Variants in KSR2 observed in about 807,000 individuals in gnomAD.
The protein encoded by KSR2 is kinase suppressor of ras 2.
Under a neutral mutation model 107.8 loss-of-function variants are expected in KSR2, and 25 were observed. The observed-to-expected ratio is 0.23, with a 90% CI of 0.17 to 0.32. The LOEUF (loss-of-function observed/expected upper bound fraction) is 0.32, where lower values mean the gene tolerates loss of function less well. KSR2 is among the 10% of genes least tolerant of loss of function. The pLI is 1.00. For missense variants in KSR2, 887 were observed against 1,268.9 expected, an observed-to-expected ratio of 0.70 and a Z score of 4.57; for synonymous variants, 480 against 507.0, an observed-to-expected ratio of 0.95 and a Z score of 0.71.
intron 3 of KSR2, among the ~76,000 whole-genome samples, chr12:117,762,082 C>T (rs1889056947): frequency 6.6e-6 from 1 of 152,208 alleles, no homozygotes; most frequent in Non-Finnish European, 1.5e-5. Context: ...ATTCAACAGC[C>T]TTGCCTTCCA....
At chr12:117,708,209 AT>A (rs1886606243) in intron 4 of KSR2, among the ~76,000 whole-genome samples, 1 of 152,220 alleles carries the variant, frequency 6.6e-6, no homozygotes, top group African/African-American at 2.4e-5. Context: ...AACCATTGTG[AT>A]TCTGCTTTTG....
chr12:117,712,937 C>G (rs1886841859), intron 4 of KSR2, among the ~76,000 whole-genome samples: 1 of 151,604 alleles, frequency 6.6e-6, no homozygotes, highest in East Asian at 1.9e-4. Flanking sequence ...ACAGATATAT[C>G]TCATCCTTTT....
At chr12:117,569,396 T>C (rs1320105143) in intron 7 of KSR2, among the ~76,000 whole-genome samples, 1 of 152,136 alleles carries the variant, frequency 6.6e-6, no homozygotes, top group African/African-American at 2.4e-5. Context: ...AAGAAGTAGG[T>C]ACAAGCATGT....
intron 3 of KSR2, among the ~76,000 whole-genome samples, chr12:117,831,681 TA>T (rs1891975490): frequency 6.6e-6 from 1 of 152,228 alleles, no homozygotes; most frequent in South Asian, 2.1e-4. Flanking sequence ...TTGGACTTTG[TA>T]TATTTGATTT....
At chr12:117,470,876 T>C (rs1871409403) in intron 18 of KSR2, among the ~76,000 whole-genome samples, 1 of 152,240 alleles carries the variant, frequency 6.6e-6, no homozygotes, top group Non-Finnish European at 1.5e-5. Flanking sequence ...ATATTTGTGA[T>C]GTTTTAATTC....
At chr12:117,636,258 A>G (rs1023271297) in intron 5 of KSR2, among the ~76,000 whole-genome samples, 5 of 152,190 alleles carry the variant, frequency 3.3e-5, no homozygotes, top group African/African-American at 1.2e-4. Context: ...AAATATCCGT[A>G]TATCAATGAA....
intron 5 of KSR2, among the ~76,000 whole-genome samples, chr12:117,633,362 C>T (rs1565936215): frequency 1.3e-5 from 2 of 152,214 alleles, no homozygotes; most frequent in South Asian, 4.1e-4. Flanking sequence ...TTCTTCTCAG[C>T]AGAGCCACCA....
intron 9 of KSR2, among the ~76,000 whole-genome samples, chr12:117,546,036 T>C (rs569200980): frequency 6.6e-6 from 1 of 152,222 alleles, no homozygotes; most frequent in Non-Finnish European, 1.5e-5. Flanking sequence ...AGAAGGTATA[T>C]GTACTATTGT....
chr12:117,555,354 G>A, intron 8 of KSR2, 61 bp from the exon 9 acceptor site: 17 of 1,574,906 alleles, frequency 1.1e-5, no homozygotes, highest in Non-Finnish European at 1.5e-5. Context: ...GGTTATGCCA[G>A]GACGGCATAG....
intron 1 of KSR2, among the ~76,000 whole-genome samples, chr12:117,957,771 A>ACACG (rs1443295070): frequency 1.3e-5 from 2 of 148,684 alleles, no homozygotes; most frequent in Non-Finnish European, 3.0e-5. Flanking sequence ...ACACACACAC[A>ACACG]CGCACACCTT....
intron 1 of KSR2, among the ~76,000 whole-genome samples, chr12:117,928,077 T>C (rs1895587486): frequency 6.6e-6 from 1 of 152,174 alleles, no homozygotes; most frequent in Non-Finnish European, 1.5e-5. Flanking sequence ...TTAATTGAAA[T>C]CATACAGTAT....
intron 4 of KSR2, 52 bp downstream of exon 4, chr12:117,760,959 C>A: frequency 6.2e-7 from 1 of 1,607,342 alleles, no homozygotes; most frequent in Non-Finnish European, 8.5e-7. Context: ...AAGGGGCAGC[C>A]CCTCGCAGGC....
intron 3 of KSR2, among the ~76,000 whole-genome samples, chr12:117,803,879 T>C (rs1487166975): frequency 6.6e-6 from 1 of 152,152 alleles, no homozygotes; most frequent in African/African-American, 2.4e-5. Flanking sequence ...AAGATCATAC[T>C]TAACCAAGGT....
At chr12:117,498,662 C>T (rs914117156) in intron 14 of KSR2, among the ~76,000 whole-genome samples, 4 of 152,114 alleles carry the variant, frequency 2.6e-5, no homozygotes, top group African/African-American at 9.7e-5. Flanking sequence ...CTCCCATAAT[C>T]CCCATGTGTT....
intron 14 of KSR2, among the ~76,000 whole-genome samples, chr12:117,509,155 C>T (rs1273160426): frequency 3.3e-5 from 5 of 152,118 alleles, no homozygotes; most frequent in African/African-American, 1.2e-4. Flanking sequence ...AAAGATGAAG[C>T]AGATAATGTT....
chr12:117,517,993 G>C (rs977761295), intron 14 of KSR2: 1 of 394,708 alleles, frequency 2.5e-6, no homozygotes, highest in Admixed American at 3.4e-5. Context: ...ATATTTGAAA[G>C]CATGGAAAAC....
chr12:117,731,116 AGCCGCCCC>A (rs1887661982), intron 4 of KSR2, among the ~76,000 whole-genome samples: 1 of 140,208 alleles, frequency 7.1e-6, no homozygotes. Flanking sequence ...GCCTCTGCCC[AGCCGCCCC>A]GTCTGGGAGG....
intron 9 of KSR2, among the ~76,000 whole-genome samples, chr12:117,547,120 C>T (rs1166651304): frequency 6.6e-6 from 1 of 152,162 alleles, no homozygotes; most frequent in Non-Finnish European, 1.5e-5. Context: ...GTTATTTAAA[C>T]CTCTTGTTTT....
chr12:117,645,515 C>T (rs977942798), intron 5 of KSR2, among the ~76,000 whole-genome samples: 1 of 152,190 alleles, frequency 6.6e-6, no homozygotes, highest in South Asian at 2.1e-4. Flanking sequence ...ATCATCTCCT[C>T]ACTATAGACC....
Sources: gnomAD v4.1 joint callset for allele counts (sites outside exome capture counted in the v4.1 genomes callset) on GRCh38, gnomAD v4.1.1 for gene constraint, MANE v1.5 for transcripts, NCBI Gene and HGNC (gene_info 2026-07-23, HGNC 2026-07-21) for gene names.